The following DLG2 variants were observed in gnomAD, a reference collection of about 807,000 sequenced individuals.
DLG2 encodes disks large homolog 2.
DLG2 carries 45 observed loss-of-function variants against 132.5 expected under a neutral mutation model. The observed-to-expected ratio is 0.34, with a 90% confidence interval of 0.27 to 0.44. The LOEUF is 0.44. Ranked by LOEUF, DLG2 falls within the 20% of genes least tolerant of loss-of-function variation. DLG2 has a pLI of 1.00. For missense variants in DLG2, 1,045 were observed against 1,196.9 expected (o/e 0.87, Z 1.87); for synonymous variants, 424 against 419.6 (o/e 1.01, Z -0.13).
At chr11:84,101,995 T>G (rs1180506082) in intron 9 of DLG2, among the ~76,000 whole-genome samples, 1 of 152,154 alleles carries the variant, frequency 6.6e-6, no homozygotes, top group Non-Finnish European at 1.5e-5. Context: ...GGCTCTTTAC[T>G]GCACAGACCT....
chr11:85,444,032 A>G (rs1045403472), intron 3 of DLG2, among the ~76,000 whole-genome samples: 5 of 152,202 alleles, frequency 3.3e-5, no homozygotes, highest in Admixed American at 6.5e-5. Flanking sequence ...ACCAATGGCA[A>G]AGTATGATTT....
At chr11:84,008,314 C>A (rs118082953) in intron 11 of DLG2, among the ~76,000 whole-genome samples, 1 of 152,016 alleles carries the variant, frequency 6.6e-6, no homozygotes, top group East Asian at 1.9e-4. Context: ...GAGTCTCTAT[C>A]AGTTTCATAT....
At chr11:85,194,745 T>C (rs745763349) in intron 4 of DLG2, among the ~76,000 whole-genome samples, 3 of 152,002 alleles carry the variant, frequency 2.0e-5, no homozygotes, top group Non-Finnish European at 2.9e-5. Flanking sequence ...GGGAGAATAA[T>C]GAGACAAACT....
In DLG2 at chr11:85,232,217, G is replaced by C. The variant is rs145898873; in HGVS notation, c.186+53003C>G. Among the ~76,000 whole-genome samples, 7 of 152,004 alleles carry C rather than the reference G, an allele frequency of 4.6e-5. No individual in the cohort carries two copies. In the East Asian group the frequency reaches 1.4e-3, roughly 30 times the overall value. On this transcript the variant is annotated intron_variant, in intron 4 of 27. Coordinates refer to ENST00000376104, the MANE Select transcript of DLG2 (RefSeq NM_001142699.3). ...TGTTGTTTAATGCCCAAAAACAGTTGCTTTATGACTTTTGTCCAATTTTTT... is the reference window on the plus strand; with the variant it reads ...TGTTGTTTAATGCCCAAAAACAGTTCCTTTATGACTTTTGTCCAATTTTTT...
At chr11:85,074,237 C>T (rs1173278403) in intron 6 of DLG2, among the ~76,000 whole-genome samples, 1 of 151,798 alleles carries the variant, frequency 6.6e-6, no homozygotes, top group African/African-American at 2.4e-5. Flanking sequence ...TACTGCTGAA[C>T]CTAAAATAAT....
In DLG2 at chr11:85,474,162, A is replaced by G. The variant is rs574136181; in HGVS notation, c.40+124495T>C. Among the ~76,000 whole-genome samples the G allele has an allele frequency of 5.3e-5, 8 of 152,194 alleles. No individual in the cohort carries two copies. In the South Asian group the frequency reaches 1.0e-3, roughly 20 times the overall value. ...AATTAACCAAAATAGTTAAATTGTT[A>G]ACAACCAAAATAGACTTTAATGCAA... On this transcript the variant is annotated intron_variant, in intron 3 of 27. Transcript: ENST00000376104.
At chr11:84,770,190 C>G (rs1017693881) in intron 6 of DLG2, among the ~76,000 whole-genome samples, 1 of 152,116 alleles carries the variant, frequency 6.6e-6, no homozygotes. Flanking sequence ...CATTCCTATT[C>G]CCACTTCACC....
At chr11:83,896,505 A>G (rs2071738212) in intron 15 of DLG2, among the ~76,000 whole-genome samples, 1 of 152,232 alleles carries the variant, frequency 6.6e-6, no homozygotes, top group African/African-American at 2.4e-5. Flanking sequence ...GACCAGCCAT[A>G]TTTTCTTTTG....
intron 6 of DLG2, among the ~76,000 whole-genome samples, chr11:84,564,897 T>C (rs1485016258): frequency 1.3e-5 from 2 of 152,192 alleles, no homozygotes; most frequent in Non-Finnish European, 2.9e-5. Flanking sequence ...GATGACTTTA[T>C]AAGGTGAAAT....
At chr11:85,137,970 G>C (rs190193363) in intron 5 of DLG2, among the ~76,000 whole-genome samples, 1 of 151,994 alleles carries the variant, frequency 6.6e-6, no homozygotes, top group East Asian at 1.9e-4. Context: ...AATGGATCCC[G>C]AAAATAATTC....
At chr11:85,510,059 A>AC (rs1196055336) in intron 3 of DLG2, 18 of 151,772 alleles carry the variant, frequency 1.2e-4, no homozygotes, top group African/African-American at 4.1e-4. Context: ...AAAAAAAAAA[A>AC]AAACAGGTTA....
At chr11:84,744,422 G>C (rs1461044536) in intron 6 of DLG2, among the ~76,000 whole-genome samples, 1 of 152,128 alleles carries the variant, frequency 6.6e-6, no homozygotes, top group African/African-American at 2.4e-5. Flanking sequence ...ATTTCTGCAT[G>C]AAAGAAAATC....
chr11:85,157,025 T>A (rs2077637698), intron 4 of DLG2, among the ~76,000 whole-genome samples: 1 of 152,210 alleles, frequency 6.6e-6, no homozygotes, highest in Non-Finnish European at 1.5e-5. Context: ...TTATCCTTAA[T>A]CTGGGTGGGC....
chr11:84,796,573 G>A (rs973140371), intron 6 of DLG2, among the ~76,000 whole-genome samples: 18 of 152,146 alleles, frequency 1.2e-4, no homozygotes, highest in African/African-American at 4.3e-4. Flanking sequence ...TTTCTTGTAA[G>A]ACAGATCTGG....
At chr11:84,257,033 T>C (rs896215002) in intron 7 of DLG2, among the ~76,000 whole-genome samples, 7 of 152,200 alleles carry the variant, frequency 4.6e-5, no homozygotes, top group South Asian at 4.1e-4. Context: ...ACTATGCACA[T>C]ACCCCATCAA....
chr11:85,098,935 G>A (rs564512438), intron 6 of DLG2, among the ~76,000 whole-genome samples: 1 of 152,232 alleles, frequency 6.6e-6, no homozygotes, highest in South Asian at 2.1e-4. Flanking sequence ...CTCAGGTTTG[G>A]GGTTTTGATT....
At chr11:84,255,084 A>G (rs2097444888) in intron 7 of DLG2, among the ~76,000 whole-genome samples, 1 of 152,118 alleles carries the variant, frequency 6.6e-6, no homozygotes, top group Non-Finnish European at 1.5e-5. Flanking sequence ...GACTACACAG[A>G]GCATAGATGA....
chr11:83,944,617 G>A (rs1439209682), intron 14 of DLG2, among the ~76,000 whole-genome samples: 1 of 152,194 alleles, frequency 6.6e-6, no homozygotes, highest in African/African-American at 2.4e-5. Flanking sequence ...AGAAAGACTA[G>A]CAATAGAGCC....
chr11:83,898,892 T>C (rs12276012), intron 15 of DLG2, among the ~76,000 whole-genome samples: 14,658 of 152,214 alleles, frequency 0.096, 840 homozygotes, highest in Middle Eastern at 0.2. Context: ...AAAATATGAC[T>C]ATAGCATAAT....
Sources: allele counts gnomAD v4.1 joint callset (sites outside exome capture counted in the v4.1 genomes callset), GRCh38; gene constraint gnomAD v4.1.1; transcripts MANE v1.5; gene names NCBI Gene and HGNC (gene_info 2026-07-23, HGNC 2026-07-21).